The following FDFT1 variants were observed in gnomAD, a reference collection of about 807,000 sequenced individuals.
FDFT1 encodes the protein squalene synthase.
Under a neutral mutation model 46.8 loss-of-function variants are expected in FDFT1, and 68 were observed. The ratio of observed to expected loss-of-function variants is 1.45; its 90% CI spans 1.19 to 1.78. The LOEUF (loss-of-function observed/expected upper bound fraction) is 1.78. Among genes scored for constraint, FDFT1 ranks in the 40% most tolerant of loss-of-function variants. The probability of loss-of-function intolerance (pLI) is 0.00; values close to 1 mark genes in which losing one functional copy is unlikely to be tolerated. For synonymous variants in FDFT1, 351 were observed against 185.1 expected, an observed-to-expected ratio of 1.90 and a Z score of -7.28; for missense variants, 928 against 524.4, an observed-to-expected ratio of 1.77 and a Z score of -7.52.
chr8:11,821,900 CTG>C lies in FDFT1; in HGVS notation c.510+29_510+30del, dbSNP rs539919508. ...CAAGGTTAGTCTCATAAAACAGTGT[CTG>C]TGTGTGATGTATTAGACAGAGCTGG... On this transcript the variant is annotated intron_variant, in intron 4 of 7. Coordinates refer to ENST00000220584, the MANE Select transcript of FDFT1 (RefSeq NM_004462.5). 1,324 of 1,610,228 alleles carry C rather than the reference CTG, an allele frequency of 8.2e-4. 30 individuals are homozygous for C. In the South Asian group the frequency reaches 0.014, roughly 17 times the overall value.
chr8:11,808,228 TAG>T, intron 1 of FDFT1: 2 of 1,180,168 alleles, frequency 1.7e-6, no homozygotes, highest in Non-Finnish European at 2.1e-6. Flanking sequence ...GGAGCCCGAG[TAG>T]AGTTTGGTCT....
intron 1 of FDFT1, among the ~76,000 whole-genome samples, chr8:11,804,579 C>T (rs1806568504): frequency 6.8e-6 from 1 of 146,796 alleles, no homozygotes; most frequent in African/African-American, 2.5e-5. Context: ...TTTCCCTTCA[C>T]TTAACATTAT....
At chr8:11,808,708 AG>A in intron 1 of FDFT1, 85 bp from the exon 2 acceptor site, 32 of 1,440,876 alleles carry the variant, frequency 2.2e-5, no homozygotes, top group Non-Finnish European at 2.8e-5. Flanking sequence ...CGCCTGCCCC[AG>A]TCCCACTCCC....
chr8:11,808,977 G>GCT (rs1807317381), intron 2 of FDFT1, 86 bp downstream of exon 2: 3 of 1,534,792 alleles, frequency 2.0e-6, no homozygotes, highest in Non-Finnish European at 2.6e-6. Context: ...TTGATATAGC[G>GCT]CTCAGCGTTG....
At chr8:11,806,201 C>T (rs1473766830) in intron 1 of FDFT1, among the ~76,000 whole-genome samples, 5 of 152,146 alleles carry the variant, frequency 3.3e-5, no homozygotes, top group African/African-American at 1.2e-4. Flanking sequence ...AAATTCCCTC[C>T]ATCCCTGTTT....
chr8:11,818,558 A>G (rs934678781), intron 3 of FDFT1, among the ~76,000 whole-genome samples: 1 of 152,232 alleles, frequency 6.6e-6, no homozygotes, highest in Non-Finnish European at 1.5e-5. Context: ...TATTGGGTAC[A>G]TATATGTTTA....
In FDFT1 at chr8:11,811,458, C is replaced by T. The variant is rs1218861695; in HGVS notation, c.381+1608C>T. Reference sequence around the variant, plus strand: ...TGTGTTAGGTATTGCTAAGTCAAGGCAGCCCTATCCCCTCAGCAGAAGTGA... The same window carrying T: ...TGTGTTAGGTATTGCTAAGTCAAGGTAGCCCTATCCCCTCAGCAGAAGTGA... On this transcript the variant is annotated intron_variant, in intron 3 of 7. Transcript: ENST00000220584. Among the ~76,000 whole-genome samples, 61 of 152,342 alleles carry T rather than the reference C, an allele frequency of 4.0e-4. No individual in the cohort carries two copies. In the East Asian group the frequency reaches 9.1e-3, roughly 23 times the overall value.
chr8:11,829,828 C>G (rs1810521068), intron 5 of FDFT1, among the ~76,000 whole-genome samples: 1 of 146,578 alleles, frequency 6.8e-6, no homozygotes, highest in Non-Finnish European at 1.5e-5. Context: ...TACTGTATAT[C>G]ATAGTGTTTT....
At chr8:11,805,019 C>T (rs1433837467) in intron 1 of FDFT1, among the ~76,000 whole-genome samples, 1 of 151,530 alleles carries the variant, frequency 6.6e-6, no homozygotes, top group Non-Finnish European at 1.5e-5. Context: ...AGCCATCCTC[C>T]CACCTCGGCT....
chr8:11,837,807 C>G (rs987821384), intron 7 of FDFT1, among the ~76,000 whole-genome samples: 1 of 152,092 alleles, frequency 6.6e-6, no homozygotes. Context: ...AGGGCCTAAT[C>G]TCAGGCAGTA....
chr8:11,833,072 C>T (rs1188473542), intron 7 of FDFT1, among the ~76,000 whole-genome samples: 1 of 152,180 alleles, frequency 6.6e-6, no homozygotes, highest in Admixed American at 6.5e-5. Context: ...GAACTTCTAT[C>T]AGAGGCACCT....
intron 7 of FDFT1, among the ~76,000 whole-genome samples, chr8:11,835,273 T>C (rs1425043132): frequency 6.6e-6 from 1 of 152,188 alleles, no homozygotes; most frequent in Non-Finnish European, 1.5e-5. Context: ...AAACCTACTG[T>C]GTGCCTTCAG....
At chr8:11,821,262 C>G (rs542424872) in intron 3 of FDFT1, among the ~76,000 whole-genome samples, 2 of 152,310 alleles carry the variant, frequency 1.3e-5, no homozygotes, top group South Asian at 2.1e-4. Context: ...CATTTTTAGA[C>G]CATTCTATTT....
chr8:11,825,876 A>T, intron 4 of FDFT1, 148 bp from the exon 5 acceptor site: 1 of 450,004 alleles, frequency 2.2e-6, no homozygotes, highest in Non-Finnish European at 4.0e-6. Context: ...TGTTTTTTAA[A>T]TCCTGGTATG....
At chr8:11,831,855 C>T (rs1319395084) in intron 7 of FDFT1, 185 bp downstream of exon 7, 2 of 589,632 alleles carry the variant, frequency 3.4e-6, no homozygotes. Context: ...AGATTGCTCA[C>T]TGCTGTGTAG....
At chr8:11,826,317 C>T (rs374886414) in intron 5 of FDFT1, 102 bp downstream of exon 5, 6 of 821,602 alleles carry the variant, frequency 7.3e-6, no homozygotes, top group Non-Finnish European at 1.9e-6. Flanking sequence ...AGTCAGGCCT[C>T]CCCCAGGCAG....
chr8:11,833,182 A>G (rs552876341), intron 7 of FDFT1, among the ~76,000 whole-genome samples: 6 of 152,238 alleles, frequency 3.9e-5, no homozygotes, highest in East Asian at 1.9e-4. Context: ...ATTGCTACCA[A>G]TGAGACTCTC....
chr8:11,812,874 G>A (rs139851246), intron 3 of FDFT1, among the ~76,000 whole-genome samples: 1 of 152,202 alleles, frequency 6.6e-6, no homozygotes, highest in Admixed American at 6.5e-5. Context: ...TTAGGGGTTC[G>A]ATTAGAGTAC....
Position 11,830,351 on chromosome 8 carries a change from C to A in FDFT1, c.810C>A (p.Ile270=). The change falls in exon 6 of 8, where the codon ATC becomes ATA. Residue 270 remains isoleucine, a synonymous_variant. Transcript: ENST00000220584. ...NELITNALHH[I]PDVITYLSRL... is the part of the protein sequence containing the mutation. ...TTATAACCAATGCACTGCACCACAT[C>A]CCAGATGTCATCACCTACCTTTCGA... 1 of 1,613,788 alleles carries A rather than the reference C, an allele frequency of 6.2e-7. No individual in the cohort carries two copies. The highest frequency in any genetic ancestry group is 8.5e-7 in the Non-Finnish European group (1 of 1,179,748).
Sources: allele counts gnomAD v4.1 joint callset (sites outside exome capture counted in the v4.1 genomes callset), GRCh38; gene constraint gnomAD v4.1.1; transcripts MANE v1.5; gene names NCBI Gene and HGNC (gene_info 2026-07-23, HGNC 2026-07-21).